Variants in COLQ observed in about 807,000 individuals in gnomAD.
COLQ encodes acetylcholinesterase collagenic tail peptide.
In COLQ, 48 loss-of-function variants were observed where a neutral mutation model predicts 69.0. The observed-to-expected ratio is 0.70, with a 90% CI of 0.55 to 0.88. The LOEUF is 0.88. Ranked by LOEUF, COLQ falls within the 40% of genes least tolerant of loss-of-function variation. The probability of loss-of-function intolerance (pLI) is 0.00; values close to 1 mark genes in which losing one functional copy is unlikely to be tolerated. For synonymous variants in COLQ, 217 were observed against 211.2 expected, an observed-to-expected ratio of 1.03 and a Z score of -0.24; for missense variants, 618 against 594.6, an observed-to-expected ratio of 1.04 and a Z score of -0.41.
chr3:15,488,385 G>T lies in COLQ; in HGVS notation c.220-78C>A. The T allele has an allele frequency of 4.9e-6, 6 of 1,216,810 alleles. No homozygotes were observed. In the South Asian group the frequency reaches 7.5e-5, roughly 15 times the overall value. The allele number at this position is 1,216,810 out of a possible 1,614,324, so 75.4% of individuals were successfully genotyped here. ...GGGTCACCATCCTGGACACAGACCT[G>T]CTCCGGGATCAGGTCTCTAAGCCTG... is the stretch of plus-strand genomic sequence containing the variant. On this transcript the variant is annotated intron_variant, in intron 2 of 16. Transcript: ENST00000383788.
At chr3:15,458,426 C>T (rs1175043044) in intron 12 of COLQ, 101 bp from the exon 13 acceptor site, 8 of 1,335,208 alleles carry the variant, frequency 6.0e-6, no homozygotes, top group African/African-American at 1.4e-5. Context: ...AGGTTAAAGT[C>T]CACAGCATTT....
intron 6 of COLQ, 33 bp downstream of exon 6, chr3:15,477,093 A>G: frequency 6.3e-7 from 1 of 1,575,068 alleles, no homozygotes; most frequent in Non-Finnish European, 8.6e-7. Context: ...TTGTTTTGAC[A>G]CCGCATGAGC....
intron 1 of COLQ, among the ~76,000 whole-genome samples, chr3:15,495,148 TAAC>T (rs1227121028): frequency 2.0e-5 from 3 of 152,226 alleles, no homozygotes; most frequent in Admixed American, 2.0e-4. Flanking sequence ...TCAAGTCCCA[TAAC>T]AACAACTTGG....
intron 8 of COLQ, 38 bp downstream of exon 8, chr3:15,474,887 G>A: frequency 1.2e-6 from 2 of 1,613,004 alleles, no homozygotes; most frequent in Non-Finnish European, 1.7e-6. Context: ...CAGTAGCCCA[G>A]ACCAGGCTCT....
intron 1 of COLQ, among the ~76,000 whole-genome samples, chr3:15,494,841 C>T (rs2062722875): frequency 6.6e-6 from 1 of 152,170 alleles, no homozygotes; most frequent in African/African-American, 2.4e-5. Flanking sequence ...CTGGCATATG[C>T]TAGACACTCC....
At position 15,521,612 on chromosome 3, in the gene COLQ, T is replaced by C; in HGVS notation, c.14A>G (p.Asn5Ser). The C allele has an allele frequency of 1.2e-6, 2 of 1,614,164 alleles. No individual in the cohort carries two copies. The highest frequency in any genetic ancestry group is 1.7e-6 in the Non-Finnish European group (2 of 1,180,036). MVVL[N>S]PMTLGIYLQL... ...AAGATAAATTCCCAAAGTCATTGGATTCAGGACAACCATGCTGGCCAGGGT... is the reference window on the plus strand; with the variant it reads ...AAGATAAATTCCCAAAGTCATTGGACTCAGGACAACCATGCTGGCCAGGGT... The change falls in exon 1 of 17, where the codon AAT becomes AGT. Residue 5 changes from asparagine (N) to serine (S), a missense_variant. By Grantham distance (46) the Asn-to-Ser change is conservative (BLOSUM62 1). Coordinates refer to ENST00000383788, the MANE Select transcript of COLQ (RefSeq NM_005677.4).
intron 1 of COLQ, among the ~76,000 whole-genome samples, chr3:15,515,275 T>C (rs1339547636): frequency 2.6e-5 from 4 of 152,192 alleles, no homozygotes; most frequent in Non-Finnish European, 5.9e-5. Context: ...ACAGAGACTA[T>C]TATATCCATT....
chr3:15,461,432 T>C (rs1223064681), intron 12 of COLQ, among the ~76,000 whole-genome samples: 4 of 152,130 alleles, frequency 2.6e-5, no homozygotes, highest in Non-Finnish European at 2.9e-5. Context: ...ACTAAAGGAC[T>C]CAGCAACCTG....
chr3:15,515,179 T>C (rs1171666804), intron 1 of COLQ, among the ~76,000 whole-genome samples: 1 of 152,194 alleles, frequency 6.6e-6, no homozygotes, highest in Non-Finnish European at 1.5e-5. Context: ...TTTGTCTGCT[T>C]GCTCACTGCT....
intron 3 of COLQ, among the ~76,000 whole-genome samples, chr3:15,484,225 T>C (rs994026409): frequency 6.6e-6 from 1 of 152,220 alleles, no homozygotes; most frequent in Admixed American, 6.5e-5. Context: ...AAGGTTAATA[T>C]TGTTATGTGT....
In COLQ at chr3:15,514,372, G is replaced by T. The variant is rs372476726; in HGVS notation, c.106+7148C>A. Among the ~76,000 whole-genome samples the T allele has an allele frequency of 2.0e-5, 3 of 152,140 alleles. No homozygotes were observed. The East Asian group carries it at 5.8e-4, about 29-fold the overall frequency. Reference sequence around the variant, plus strand: ...GTACTAAATTAGAAATTCCCAGGGTGTGTCTCAGTGGTCTGCAGTTTAAAA... The same window carrying T: ...GTACTAAATTAGAAATTCCCAGGGTTTGTCTCAGTGGTCTGCAGTTTAAAA... On this transcript the variant is annotated intron_variant, in intron 1 of 16. Transcript: ENST00000383788.
rs761717418 is a variant in COLQ at position 15,489,610 on chromosome 3, C to T, written c.134G>A (p.Arg45His). ...CAGGCAGCATGCTTTGTGGCCACCACGCTTCTTCTGATCCAGGCTGGGAAG... is the reference window on the plus strand; with the variant it reads ...CAGGCAGCATGCTTTGTGGCCACCATGCTTCTTCTGATCCAGGCTGGGAAG... ...AALPSLDQKK[R>H]GGHKACCLLT... Residue 45 changes from arginine to histidine, a missense_variant, in exon 2 of 17, where the codon CGT becomes CAT. Arg to His is a conservative substitution (Grantham distance 29, BLOSUM62 0). Transcript: ENST00000383788. 2.6e-5 allele frequency: 42 copies of T among 1,614,020 alleles called. No individual in the cohort carries two copies. Among genetic ancestry groups the T allele is most frequent in the East Asian group, 2.4e-4 (11 of 44,900 alleles).
At chr3:15,459,668 A>G (rs976847632) in intron 12 of COLQ, among the ~76,000 whole-genome samples, 25 of 151,392 alleles carry the variant, frequency 1.7e-4, no homozygotes, top group Non-Finnish European at 3.4e-4. Flanking sequence ...TAGTAGAGAC[A>G]GGGTTTCACT....
intron 3 of COLQ, among the ~76,000 whole-genome samples, chr3:15,484,202 C>T (rs371603861): frequency 4.0e-3 from 1 of 250 alleles, no homozygotes; most frequent in Non-Finnish European, 8.8e-3. Context: ...GGAGCATTTA[C>T]CCATTTACAT....
intron 15 of COLQ, 102 bp from the exon 16 acceptor site, chr3:15,454,033 T>C (rs746655707): frequency 2.5e-6 from 2 of 790,494 alleles, no homozygotes; most frequent in Non-Finnish European, 4.3e-6. Flanking sequence ...ACCTAAGTGC[T>C]GCACCCCTTA....
intron 1 of COLQ, chr3:15,499,008 G>GAT: frequency 8.7e-6 from 9 of 1,035,496 alleles, no homozygotes; most frequent in Non-Finnish European, 8.2e-6. Flanking sequence ...GCTCTGGTAA[G>GAT]CCTCAAAGTC....
At chr3:15,475,990 T>G (rs1227953350) in intron 6 of COLQ, among the ~76,000 whole-genome samples, 1 of 152,234 alleles carries the variant, frequency 6.6e-6, no homozygotes, top group Non-Finnish European at 1.5e-5. Context: ...AGCCACATAC[T>G]TAATTTTAAA....
At chr3:15,501,057 C>A (rs1294783136) in intron 1 of COLQ, among the ~76,000 whole-genome samples, 1 of 152,174 alleles carries the variant, frequency 6.6e-6, no homozygotes, top group Non-Finnish European at 1.5e-5. Context: ...CCCCTTTTAC[C>A]CCTTGGTGAA....
chr3:15,515,792 C>T (rs1462887422), intron 1 of COLQ, among the ~76,000 whole-genome samples: 2 of 151,994 alleles, frequency 1.3e-5, no homozygotes, highest in East Asian at 1.9e-4. Context: ...GGCAACAGGG[C>T]GAGACTCCGT....
Sources: allele counts gnomAD v4.1 joint callset (sites outside exome capture counted in the v4.1 genomes callset), GRCh38; gene constraint gnomAD v4.1.1; transcripts MANE v1.5; gene names NCBI Gene and HGNC (gene_info 2026-07-23, HGNC 2026-07-21).